The following APBB2 variants were observed in gnomAD, a reference collection of about 807,000 sequenced individuals.
The protein encoded by APBB2 is Fe65-like 1.
Under a neutral mutation model 82.5 loss-of-function variants are expected in APBB2, and 38 were observed. The ratio of observed to expected loss-of-function variants is 0.46; its 90% CI spans 0.36 to 0.60. APBB2 has a LOEUF of 0.60. Among genes scored for constraint, APBB2 ranks in the 20% least tolerant of loss-of-function variants. The probability of loss-of-function intolerance (pLI) is 0.00; values close to 1 mark genes in which losing one functional copy is unlikely to be tolerated. For synonymous variants in APBB2, 341 were observed against 368.2 expected, an observed-to-expected ratio of 0.93 and a Z score of 0.85; for missense variants, 772 against 972.3, an observed-to-expected ratio of 0.79 and a Z score of 2.74.
intron 6 of APBB2, among the ~76,000 whole-genome samples, chr4:40,968,205 T>C (rs1410353255): frequency 6.6e-6 from 1 of 152,180 alleles, no homozygotes; most frequent in Non-Finnish European, 1.5e-5. Flanking sequence ...GTCCCAGAGC[T>C]AGTAACAGTA....
At chr4:40,981,707 T>C (rs1056694608) in intron 6 of APBB2, among the ~76,000 whole-genome samples, 3 of 152,162 alleles carry the variant, frequency 2.0e-5, no homozygotes, top group African/African-American at 7.2e-5. Flanking sequence ...CTCACTCCAA[T>C]TGGAGCCCCT....
At chr4:40,834,112 C>CTT (rs11353477) in intron 12 of APBB2, among the ~76,000 whole-genome samples, 41 of 150,294 alleles carry the variant, frequency 2.7e-4, no homozygotes, top group Admixed American at 8.0e-4. Context: ...GGAATTCTCA[C>CTT]TTTTTTTTTT....
chr4:41,144,533 A>G (rs1760156757), intron 1 of APBB2, among the ~76,000 whole-genome samples: 1 of 152,218 alleles, frequency 6.6e-6, no homozygotes, highest in Admixed American at 6.5e-5. Flanking sequence ...GCAGGAATAC[A>G]AATCAGAAAT....
chr4:40,864,845 G>C (rs1578066438), intron 12 of APBB2, among the ~76,000 whole-genome samples: 1 of 123,014 alleles, frequency 8.1e-6, no homozygotes, highest in East Asian at 2.3e-4. Context: ...TCAGCACAAC[G>C]TTTGATTCTT....
At chr4:40,870,759 A>G (rs1373308670) in intron 12 of APBB2, among the ~76,000 whole-genome samples, 1 of 140,082 alleles carries the variant, frequency 7.1e-6, no homozygotes, top group Admixed American at 7.4e-5. Context: ...TTTGGAGACC[A>G]AGTCTCACTC....
chr4:40,971,588 T>C (rs915537020), intron 6 of APBB2, among the ~76,000 whole-genome samples: 4 of 152,200 alleles, frequency 2.6e-5, no homozygotes, highest in African/African-American at 9.7e-5. Context: ...GCTTCTGCAA[T>C]ATTTTTCCCA....
intron 1 of APBB2, among the ~76,000 whole-genome samples, chr4:41,205,054 AC>A (rs1266566589): frequency 2.0e-5 from 3 of 152,220 alleles, no homozygotes; most frequent in African/African-American, 4.8e-5. Flanking sequence ...AGAAACTGCC[AC>A]CTCATTGGGA....
chr4:41,173,400 G>A (rs1433577271), intron 1 of APBB2, among the ~76,000 whole-genome samples: 1 of 152,188 alleles, frequency 6.6e-6, no homozygotes, highest in Non-Finnish European at 1.5e-5. Flanking sequence ...CAAATACGGA[G>A]ATTTCTTCAG....
intron 10 of APBB2, among the ~76,000 whole-genome samples, chr4:40,912,679 A>G (rs1484049140): frequency 6.6e-6 from 1 of 152,198 alleles, no homozygotes; most frequent in Non-Finnish European, 1.5e-5. Context: ...TGAACACGTT[A>G]CACAAAAGGG....
At chr4:41,183,654 A>G (rs1270722405) in intron 1 of APBB2, among the ~76,000 whole-genome samples, 3 of 152,050 alleles carry the variant, frequency 2.0e-5, no homozygotes, top group Non-Finnish European at 4.4e-5. Flanking sequence ...GGGATGGAAC[A>G]GATTCTCTTT....
intron 1 of APBB2, among the ~76,000 whole-genome samples, chr4:41,172,123 C>A (rs999914576): frequency 1.6e-4 from 25 of 152,000 alleles, no homozygotes; most frequent in African/African-American, 5.8e-4. Flanking sequence ...AATAAATAAC[C>A]CCTTTAAAGT....
intron 1 of APBB2, among the ~76,000 whole-genome samples, chr4:41,149,383 T>G (rs1761624563): frequency 6.6e-6 from 1 of 152,072 alleles, no homozygotes. Flanking sequence ...AATTTTTATT[T>G]AATTAAAAGT....
rs1003219264 is a variant in APBB2, at chr4:40,826,112, A to G, written c.1733-142T>C. The stretch of plus-strand genomic sequence containing the variant: ...GTTTCTGGATGTAAATGTAACAACT[A>G]TTCTACAAGAGCAGCATTACTCCAG... On this transcript the variant is annotated intron_variant, in intron 14 of 17. Transcript: ENST00000508593. The surrounding 1 kb of genome is among the most constrained non-coding windows in gnomAD (Gnocchi z 4.5). 2 of 674,094 alleles carry G rather than the reference A, an allele frequency of 3.0e-6. No individual in the cohort carries two copies. The highest frequency in any genetic ancestry group is 2.5e-4 in the Middle Eastern group (1 of 4,016). The allele number at this position is 674,094 out of a possible 1,614,324, so 41.8% of individuals were successfully genotyped here. A position where few individuals can be genotyped will look rare whatever the true frequency, so the allele number is the denominator to read the frequency against.
At chr4:40,903,225 CCA>C (rs1775803471) in intron 10 of APBB2, among the ~76,000 whole-genome samples, 2 of 149,780 alleles carry the variant, frequency 1.3e-5, no homozygotes, top group African/African-American at 5.0e-5. Context: ...CTTTGGGAGG[CCA>C]AGGCCGGTGG....
At chr4:40,834,864 A>AGTGGC (rs1217048820) in intron 12 of APBB2, among the ~76,000 whole-genome samples, 13 of 152,216 alleles carry the variant, frequency 8.5e-5, no homozygotes, top group African/African-American at 3.1e-4. Flanking sequence ...AAAAGAATCA[A>AGTGGC]GTGGCGTGGC....
rs1318429968 is a variant in APBB2 at position 41,018,985 on chromosome 4, AG to A, written c.20-4588del. Among the ~76,000 whole-genome samples, 9 of 152,334 alleles carry A rather than the reference AG, an allele frequency of 5.9e-5. No homozygotes were observed. The East Asian group carries it at 1.7e-3, about 29-fold the overall frequency. On this transcript the variant is annotated intron_variant, in intron 5 of 17. Transcript: ENST00000508593. ...AGCTCTGGTCAATCATCCCTTGAAC[AG>A]GGCAGAAAGATAAGGTTCCCATTAG... is the stretch of plus-strand genomic sequence containing the variant.
chr4:41,008,790 T>C (rs1341920706), intron 6 of APBB2, among the ~76,000 whole-genome samples: 1 of 152,206 alleles, frequency 6.6e-6, no homozygotes, highest in African/African-American at 2.4e-5. Flanking sequence ...GAGAACTGCC[T>C]AGATATAGCA....
At chr4:41,176,641 G>T (rs1769858929) in intron 1 of APBB2, among the ~76,000 whole-genome samples, 1 of 152,076 alleles carries the variant, frequency 6.6e-6, no homozygotes, top group African/African-American at 2.4e-5. Context: ...AAAACCATGG[G>T]TTTAGTTCAA....
In APBB2 at chr4:40,950,203, T is replaced by G. The variant is rs571767424; in HGVS notation, c.836-5130A>C. On this transcript the variant is annotated intron_variant, in intron 6 of 17. Transcript: ENST00000508593. Reference sequence around the variant, plus strand: ...TTACAATACCAATTGTTGGCAGGCATGTAGAACAACAGGATCTTGTAGATA... The same window carrying G: ...TTACAATACCAATTGTTGGCAGGCAGGTAGAACAACAGGATCTTGTAGATA... Among the ~76,000 whole-genome samples, 14 of 152,340 alleles carry G rather than the reference T, an allele frequency of 9.2e-5. 1 individual carries two copies. The Middle Eastern group carries it at 0.017, about 185-fold the overall frequency.
Sources: gnomAD v4.1 joint callset for allele counts (sites outside exome capture counted in the v4.1 genomes callset) on GRCh38, gnomAD v4.1.1 for gene constraint, Gnocchi (gnomAD v3.1) non-coding constraint, MANE v1.5 for transcripts, NCBI Gene and HGNC (gene_info 2026-07-23, HGNC 2026-07-21) for gene names.